Variants in ASTN2 observed in about 807,000 individuals in gnomAD.
The protein encoded by ASTN2 is astrotactin 2.
ASTN2 carries 54 observed loss-of-function variants against 139.8 expected under a neutral mutation model. That is an observed-to-expected ratio of 0.39 (90% CI 0.31 to 0.48). ASTN2 has a LOEUF of 0.48. ASTN2 is among the 20% of genes least tolerant of loss of function. The pLI is 0.95. For missense variants in ASTN2, 1,565 were observed against 1,725.1 expected, an observed-to-expected ratio of 0.91 and a Z score of 1.64; for synonymous variants, 756 against 719.5, an observed-to-expected ratio of 1.05 and a Z score of -0.81.
chr9:117,317,815 C>T (rs1469965779), intron 1 of ASTN2, among the ~76,000 whole-genome samples: 2 of 152,206 alleles, frequency 1.3e-5, no homozygotes, highest in African/African-American at 4.8e-5. Flanking sequence ...ACACAGTGCA[C>T]TCACAGGTCA....
intron 19 of ASTN2, among the ~76,000 whole-genome samples, chr9:116,496,680 T>C (rs535710147): frequency 6.6e-6 from 1 of 152,290 alleles, no homozygotes; most frequent in South Asian, 2.1e-4. Flanking sequence ...ATTAAAGACA[T>C]ATCTGAGACT....
intron 10 of ASTN2, among the ~76,000 whole-genome samples, chr9:116,924,327 G>A (rs996880836): frequency 6.6e-6 from 1 of 150,596 alleles, no homozygotes; most frequent in African/African-American, 2.4e-5. Flanking sequence ...CTACTCAGGT[G>A]GCTGAGGCAG....
chr9:117,107,094 A>G (rs963418113), intron 4 of ASTN2, among the ~76,000 whole-genome samples: 2 of 152,194 alleles, frequency 1.3e-5, no homozygotes, highest in Admixed American at 6.5e-5. Flanking sequence ...GCTAATTAAA[A>G]TGTCATAAAT....
chr9:116,994,164 A>G (rs1365044756), intron 7 of ASTN2, among the ~76,000 whole-genome samples: 2 of 152,170 alleles, frequency 1.3e-5, no homozygotes, highest in Admixed American at 1.3e-4. Context: ...GTAAAGAGCC[A>G]AATGACAAAT....
chr9:117,410,115 T>C (rs979750518), intron 1 of ASTN2, among the ~76,000 whole-genome samples: 1 of 152,204 alleles, frequency 6.6e-6, no homozygotes, highest in Non-Finnish European at 1.5e-5. Flanking sequence ...CAAAGCAAAT[T>C]ACTAAAAAAT....
intron 13 of ASTN2, among the ~76,000 whole-genome samples, chr9:116,737,155 G>A (rs1312424157): frequency 1.3e-5 from 2 of 152,256 alleles, no homozygotes; most frequent in African/African-American, 2.4e-5. Context: ...ACAGCCCAGC[G>A]ACGGCATGGT....
rs1320420791 is a variant in ASTN2 at position 117,008,151 on chromosome 9, C to A, written c.1532G>T (p.Arg511Met). 1 of 1,610,858 alleles carries A rather than the reference C, an allele frequency of 6.2e-7. No homozygotes were observed. The highest frequency in any genetic ancestry group is 8.5e-7 in the Non-Finnish European group (1 of 1,178,516). Residue 511 changes from arginine (R) to methionine (M), a missense_variant, in exon 7 of 23, where the codon AGG becomes ATG. Transcript: ENST00000313400. ...TGTCGTCCTTTGTCCACAGAGGTCCCTCACCCATGGGGAGGTGGCATTGAT... is the reference window on the plus strand; with the variant it reads ...TGTCGTCCTTTGTCCACAGAGGTCCATCACCCATGGGGAGGTGGCATTGAT... ...YQINATSPWV[R>M]DLCGQRTTDA... is the part of the protein sequence containing the mutation.
chr9:116,469,682 G>A (rs1377782053), intron 20 of ASTN2, among the ~76,000 whole-genome samples: 1 of 152,106 alleles, frequency 6.6e-6, no homozygotes, highest in Non-Finnish European at 1.5e-5. Flanking sequence ...ATGTGATATT[G>A]CATATATTCA....
chr9:116,932,220 G>A (rs953308930), intron 10 of ASTN2, among the ~76,000 whole-genome samples: 1 of 152,106 alleles, frequency 6.6e-6, no homozygotes. Flanking sequence ...GCCAGGTGGT[G>A]GATGCACAAT....
At chr9:116,878,768 T>A (rs1833370502) in intron 10 of ASTN2, among the ~76,000 whole-genome samples, 1 of 151,634 alleles carries the variant, frequency 6.6e-6, no homozygotes, top group Admixed American at 6.6e-5. Context: ...CCTTTGCAAA[T>A]CTCATCCTTA....
intron 17 of ASTN2, among the ~76,000 whole-genome samples, chr9:116,626,159 T>G (rs1412938765): frequency 2.5e-5 from 3 of 118,742 alleles, no homozygotes; most frequent in African/African-American, 3.8e-5. Flanking sequence ...TTTGTGTTTT[T>G]TTTTTTTTTT....
intron 13 of ASTN2, among the ~76,000 whole-genome samples, chr9:116,769,287 G>T (rs1829895289): frequency 6.6e-6 from 1 of 152,222 alleles, no homozygotes; most frequent in South Asian, 2.1e-4. Context: ...ACATCTATTG[G>T]ATATAACCAT....
At chr9:117,059,115 G>GT (rs1839160428) in intron 5 of ASTN2, among the ~76,000 whole-genome samples, 1 of 152,302 alleles carries the variant, frequency 6.6e-6, no homozygotes, top group East Asian at 1.9e-4. Context: ...GTCATGGCTT[G>GT]AATAGTGGTG....
chr9:116,669,385 A>C (rs935511426), intron 16 of ASTN2, among the ~76,000 whole-genome samples: 2 of 151,964 alleles, frequency 1.3e-5, no homozygotes, highest in African/African-American at 4.8e-5. Flanking sequence ...TATCTAAAAA[A>C]CAAACAAACA....
intron 2 of ASTN2, among the ~76,000 whole-genome samples, chr9:117,228,729 T>G (rs1832793091): frequency 6.6e-6 from 1 of 151,940 alleles, no homozygotes; most frequent in Non-Finnish European, 1.5e-5. Flanking sequence ...AGACGTGGAG[T>G]TCAGGCCAGT....
At chr9:116,758,390 G>T (rs1403747753) in intron 13 of ASTN2, among the ~76,000 whole-genome samples, 1 of 152,142 alleles carries the variant, frequency 6.6e-6, no homozygotes, top group African/African-American at 2.4e-5. Context: ...GGGCTCACAG[G>T]ACAGACATGT....
rs115623457 is a variant in ASTN2 at position 117,120,231 on chromosome 9, G to A, written c.1168+21095C>T. 7.9e-3 allele frequency among the ~76,000 whole-genome samples: 1,196 copies of A among 151,732 alleles called. 15 individuals are homozygous for A. Among genetic ancestry groups the A allele is most frequent in the African/African-American group, 0.028 (1,144 of 41,310 alleles). ...ACTGGAAACTCACCTTCCCACACGT[G>A]TTCTGAGAACTTCCTGCACAATGAG... is the stretch of plus-strand genomic sequence containing the variant. On this transcript the variant is annotated intron_variant, in intron 4 of 22. Coordinates refer to ENST00000313400, the MANE Select transcript of ASTN2 (RefSeq NM_001365068.1).
At chr9:116,628,966 GAAGA>G (rs1338593202) in intron 17 of ASTN2, among the ~76,000 whole-genome samples, 1 of 152,196 alleles carries the variant, frequency 6.6e-6, no homozygotes, top group East Asian at 1.9e-4. Flanking sequence ...AACAGTTTTT[GAAGA>G]AAGAGAGGAG....
intron 5 of ASTN2, among the ~76,000 whole-genome samples, chr9:117,057,635 C>T (rs1423787506): frequency 6.6e-6 from 1 of 152,158 alleles, no homozygotes; most frequent in Non-Finnish European, 1.5e-5. Context: ...TGTAGCTGTG[C>T]TTAGAGTAGA....
Sources: allele counts gnomAD v4.1 joint callset (sites outside exome capture counted in the v4.1 genomes callset), GRCh38; gene constraint gnomAD v4.1.1; transcripts MANE v1.5; gene names NCBI Gene and HGNC (gene_info 2026-07-23, HGNC 2026-07-21).